The following COMMD10 variants were observed in gnomAD, a reference collection of about 807,000 sequenced individuals.
COMMD10 encodes COMM domain-containing protein 10.
A neutral mutation model predicts 28.9 loss-of-function variants in COMMD10; 33 were observed. The observed-to-expected ratio is 1.14, with a 90% CI of 0.87 to 1.53. COMMD10 has a LOEUF of 1.53. Among genes scored for constraint, COMMD10 ranks in the 40% most tolerant of loss-of-function variants. COMMD10 has a pLI of 0.00. For missense variants in COMMD10, 310 were observed against 233.4 expected (o/e 1.33, Z -2.14); for synonymous variants, 110 against 81.7 (o/e 1.35, Z -1.87).
chr5:116,228,237 A>G (rs760314818), intron 5 of COMMD10, among the ~76,000 whole-genome samples: 14 of 151,962 alleles, frequency 9.2e-5, no homozygotes, highest in Non-Finnish European at 1.6e-4. Context: ...ATAAACTTCT[A>G]ATTCCCCTTT....
rs1752081405 is a variant in COMMD10 at position 116,138,039 on chromosome 5, A to G, written c.510+3861A>G. On this transcript the variant is annotated intron_variant, in intron 5 of 6. Coordinates refer to ENST00000274458, the MANE Select transcript of COMMD10 (RefSeq NM_016144.4). ...TGGCATTCACAGTGTTATTTGAAAT[A>G]ACATTCAAAATAATTTGTGAAGTCA... 2.0e-5 allele frequency among the ~76,000 whole-genome samples: 3 copies of G among 151,936 alleles called. No individual in the cohort carries two copies. The South Asian group carries it at 6.2e-4, about 31-fold the overall frequency.
chr5:116,137,598 T>C lies in COMMD10; in HGVS notation c.510+3420T>C, dbSNP rs138221350. 4.3e-3 allele frequency among the ~76,000 whole-genome samples: 654 copies of C among 152,060 alleles called. 2 individuals are homozygous for C. The highest frequency in any genetic ancestry group is 6.7e-3 in the African/African-American group (280 of 41,534). On this transcript the variant is annotated intron_variant, in intron 5 of 6. Transcript: ENST00000274458. The stretch of plus-strand genomic sequence containing the variant: ...GGATTATTTTGGTTGTATTTACTTT[T>C]GAGCTGTTGTACTGAAAACTTACTG...
Position 116,087,579 on chromosome 5 carries a change from C to G in COMMD10, c.124C>G (p.His42Asp). Residue 42 changes from histidine to aspartate, a missense_variant, in exon 2 of 7, where the codon CAC (histidine) becomes GAC (aspartate). Transcript: ENST00000274458. ...RLLTRILQKLHLKAESSFSEE... is the reference protein window; with the variant it reads ...RLLTRILQKLDLKAESSFSEE... Reference sequence around the variant, plus strand: ...GCTCACTCGGATTCTTCAAAAACTTCACCTGAAGGTTTGTATTTGTGTGTT... The same window carrying G: ...GCTCACTCGGATTCTTCAAAAACTTGACCTGAAGGTTTGTATTTGTGTGTT... 1 of 1,599,238 alleles carries G rather than the reference C, an allele frequency of 6.3e-7. No homozygotes were observed. The highest frequency in any genetic ancestry group is 8.6e-7 in the Non-Finnish European group (1 of 1,166,438).
At chr5:116,161,410 C>T (rs115470518) in intron 5 of COMMD10, among the ~76,000 whole-genome samples, 4,002 of 152,090 alleles carry the variant, frequency 0.026, 63 homozygotes, top group East Asian at 0.043. Flanking sequence ...GAGAGAATTT[C>T]AGGTGAAGTT....
intron 4 of COMMD10, among the ~76,000 whole-genome samples, chr5:116,117,077 T>C (rs1297015771): frequency 6.6e-6 from 1 of 152,256 alleles, no homozygotes; most frequent in Non-Finnish European, 1.5e-5. Flanking sequence ...ATAATTTTTT[T>C]GATTCATTCA....
intron 5 of COMMD10, among the ~76,000 whole-genome samples, chr5:116,168,218 C>G (rs1314203872): frequency 7.0e-6 from 1 of 142,610 alleles, no homozygotes; most frequent in Non-Finnish European, 1.5e-5. Context: ...TTTAAAGCAA[C>G]AAAGATCAAA....
intron 5 of COMMD10, among the ~76,000 whole-genome samples, chr5:116,173,848 TG>T (rs33989967): frequency 0.06 from 6,405 of 107,350 alleles, 180 homozygotes; most frequent in African/African-American, 0.18. Context: ...GTTTTGTTTT[TG>T]TTTTTTTTTT....
chr5:116,137,267 A>G (rs1475038395), intron 5 of COMMD10, among the ~76,000 whole-genome samples: 1 of 152,138 alleles, frequency 6.6e-6, no homozygotes, highest in East Asian at 1.9e-4. Context: ...CAAATATGAA[A>G]TGAGAATTCT....
chr5:116,146,385 T>G (rs533983943), intron 5 of COMMD10, among the ~76,000 whole-genome samples: 1 of 151,952 alleles, frequency 6.6e-6, no homozygotes, highest in South Asian at 2.1e-4. Context: ...ATGTGAGAAT[T>G]TTGTATGTTG....
At chr5:116,261,412 G>A (rs4921088) in intron 5 of COMMD10, among the ~76,000 whole-genome samples, 91,333 of 151,294 alleles carry the variant, frequency 0.6, 31,356 homozygotes, top group South Asian at 0.77. Context: ...GGTGGTGGTC[G>A]TCCTCCTTAT....
At chr5:116,235,781 G>A (rs1749645380) in intron 5 of COMMD10, among the ~76,000 whole-genome samples, 1 of 152,004 alleles carries the variant, frequency 6.6e-6, no homozygotes, top group Non-Finnish European at 1.5e-5. Flanking sequence ...TCTCTTAAGG[G>A]TTTTCTTCTT....
chr5:116,252,199 G>T (rs1001961159), intron 5 of COMMD10, among the ~76,000 whole-genome samples: 1 of 141,012 alleles, frequency 7.1e-6, no homozygotes, highest in Non-Finnish European at 1.5e-5. Context: ...CTGGATATTA[G>T]CCCTTTGTCA....
chr5:116,227,309 C>T (rs1447171247), intron 5 of COMMD10, among the ~76,000 whole-genome samples: 1 of 152,044 alleles, frequency 6.6e-6, no homozygotes, highest in Non-Finnish European at 1.5e-5. Flanking sequence ...TTTGAACAAA[C>T]ATTATTCTTA....
In COMMD10 at chr5:116,240,856, A is replaced by G. The variant is rs533871410; in HGVS notation, c.511-50661A>G. Among the ~76,000 whole-genome samples the G allele has an allele frequency of 1.5e-4, 23 of 152,348 alleles. No individual in the cohort carries two copies. The South Asian group carries it at 3.7e-3, about 25-fold the overall frequency. On this transcript the variant is annotated intron_variant, in intron 5 of 6. Transcript: ENST00000274458. The stretch of plus-strand genomic sequence containing the variant: ...ATATGATGGGTAATCACTTCCTGCA[A>G]TGGTGAACTATTTATAAACTGCTGG...
intron 4 of COMMD10, among the ~76,000 whole-genome samples, chr5:116,096,567 G>A (rs956277116): frequency 6.6e-6 from 1 of 151,958 alleles, no homozygotes; most frequent in African/African-American, 2.4e-5. Context: ...TTTTCAATCT[G>A]TAGAGCTTTT....
intron 5 of COMMD10, among the ~76,000 whole-genome samples, chr5:116,190,199 G>A (rs1314650651): frequency 6.6e-6 from 1 of 152,022 alleles, no homozygotes; most frequent in Admixed American, 6.6e-5. Context: ...CTGAGAGGAT[G>A]GAGGGAAAGA....
intron 5 of COMMD10, among the ~76,000 whole-genome samples, chr5:116,157,178 CAAGCTG>C (rs1752745066): frequency 1.3e-5 from 2 of 152,118 alleles, no homozygotes. Context: ...CACTGTTTTT[CAAGCTG>C]AAGGCCACTG....
chr5:116,108,831 C>T (rs1468262610), intron 4 of COMMD10, among the ~76,000 whole-genome samples: 2 of 152,126 alleles, frequency 1.3e-5, no homozygotes, highest in African/African-American at 2.4e-5. Flanking sequence ...GGCATAGGCA[C>T]CCGAGGGAAT....
chr5:116,271,696 T>G (rs1473397064), intron 5 of COMMD10, among the ~76,000 whole-genome samples: 4 of 151,868 alleles, frequency 2.6e-5, no homozygotes, highest in Admixed American at 6.6e-5. Flanking sequence ...TTGGAAGAGT[T>G]TGATTTGCAG....
Sources: allele counts gnomAD v4.1 joint callset (sites outside exome capture counted in the v4.1 genomes callset), GRCh38; gene constraint gnomAD v4.1.1; transcripts MANE v1.5; gene names NCBI Gene and HGNC (gene_info 2026-07-23, HGNC 2026-07-21).